The following PSMA3 variants were observed in gnomAD, a reference collection of about 807,000 sequenced individuals.
PSMA3 encodes proteasome subunit alpha type-3.
A neutral mutation model predicts 40.0 loss-of-function variants in PSMA3; 8 were observed. The observed-to-expected ratio is 0.20, with a 90% confidence interval of 0.12 to 0.36. The LOEUF (loss-of-function observed/expected upper bound fraction) is 0.36. Ranked by LOEUF, PSMA3 falls within the 10% of genes least tolerant of loss-of-function variation. The pLI is 1.00. For synonymous variants in PSMA3, 110 were observed against 100.0 expected (o/e 1.10, Z -0.59); for missense variants, 219 against 310.6 (o/e 0.70, Z 2.22).
chr14:58,262,913 G>A (rs1419316935), intron 6 of PSMA3, among the ~76,000 whole-genome samples: 3 of 150,202 alleles, frequency 2.0e-5, no homozygotes, highest in South Asian at 2.1e-4. Context: ...CATTTTTGTC[G>A]TTTTTACTAA....
chr14:58,248,491 G>A (rs1761491913), intron 2 of PSMA3, among the ~76,000 whole-genome samples: 1 of 151,614 alleles, frequency 6.6e-6, no homozygotes, highest in South Asian at 2.1e-4. Flanking sequence ...CGGACTCCCA[G>A]AGAGTAGCCC....
intron 1 of PSMA3, among the ~76,000 whole-genome samples, chr14:58,246,999 C>A (rs1286329036): frequency 6.6e-6 from 1 of 152,210 alleles, no homozygotes; most frequent in Non-Finnish European, 1.5e-5. Flanking sequence ...GTTTACTCTT[C>A]TTTCTGCTGC....
intron 7 of PSMA3, among the ~76,000 whole-genome samples, chr14:58,264,370 C>A (rs1000717297): frequency 6.6e-6 from 1 of 152,194 alleles, no homozygotes; most frequent in Non-Finnish European, 1.5e-5. Context: ...TACACTCTTA[C>A]GACTACCCAC....
At chr14:58,268,389 A>G (rs915192790) in intron 8 of PSMA3, among the ~76,000 whole-genome samples, 31 of 152,290 alleles carry the variant, frequency 2.0e-4, no homozygotes, top group African/African-American at 7.0e-4. Flanking sequence ...AAAAATTCCA[A>G]TGGGCTCTAT....
At chr14:58,249,942 C>G (rs2140079897) in intron 2 of PSMA3, among the ~76,000 whole-genome samples, 1 of 152,210 alleles carries the variant, frequency 6.6e-6, no homozygotes, top group East Asian at 1.9e-4. Flanking sequence ...AGGCTTCCTG[C>G]TGGGCGTGAG....
rs576169636 is a variant in PSMA3 at position 58,244,852 on chromosome 14, C to T, written c.-69C>T. 2 of 1,606,250 alleles carry T rather than the reference C, an allele frequency of 1.2e-6. No individual in the cohort carries two copies. Among genetic ancestry groups the T allele is most frequent in the Admixed American group, 3.3e-5 (2 of 59,962 alleles). On this transcript the variant is annotated 5_prime_UTR_variant, in exon 1 of 11. Coordinates refer to ENST00000216455, the MANE Select transcript of PSMA3 (RefSeq NM_002788.4). ...AATGAGCGGGCCTGTTACTAGTTTG[C>T]GGCATCCTGTGGTATAGGGGAAGCG...
At chr14:58,271,346 T>TC (rs1001926795) in intron 10 of PSMA3, among the ~76,000 whole-genome samples, 1 of 148,826 alleles carries the variant, frequency 6.7e-6, no homozygotes, top group African/African-American at 2.5e-5. Flanking sequence ...TTTTTTTTTT[T>TC]TGAGACGGAG....
intron 1 of PSMA3, chr14:58,245,178 C>G (rs1011523543): frequency 1.6e-5 from 9 of 555,012 alleles, no homozygotes; most frequent in Non-Finnish European, 2.6e-5. Flanking sequence ...TTGGCGTCGC[C>G]GCAGTGAGGT....
rs1890581410 is a variant in PSMA3 at position 58,270,422 on chromosome 14, T to C, written c.595T>C (p.Tyr199His). Residue 199 changes from tyrosine to histidine, a missense_variant, in exon 9 of 11, where the codon TAC becomes CAC. Physicochemically the swap from Tyr to His is moderately conservative, Grantham distance 83. Coordinates refer to ENST00000216455, the MANE Select transcript of PSMA3 (RefSeq NM_002788.4). ...CCTTTCCCTTTTCTATTCTAGAATT[T>C]ACATAGTACATGACGAAGTTAAGGA... ...DIVKEVAKII[Y>H]IVHDEVKDKA... 6.2e-7 allele frequency: 1 copy of C among 1,613,418 alleles called. No homozygotes were observed. The highest frequency in any genetic ancestry group is 1.3e-5 in the African/African-American group (1 of 74,920).
chr14:58,270,159 A>T (rs1165085626), intron 8 of PSMA3: 2 of 390,960 alleles, frequency 5.1e-6, no homozygotes, highest in African/African-American at 4.2e-5. Context: ...TTATATCTCT[A>T]AAGCAATGTG....
chr14:58,246,235 C>T (rs978960799), intron 1 of PSMA3, among the ~76,000 whole-genome samples: 9 of 152,128 alleles, frequency 5.9e-5, no homozygotes, highest in African/African-American at 2.2e-4. Flanking sequence ...ATAGTCATTT[C>T]GTACTGCATG....
At chr14:58,254,101 T>G (rs781761406) in intron 3 of PSMA3, among the ~76,000 whole-genome samples, 1 of 151,614 alleles carries the variant, frequency 6.6e-6, no homozygotes, top group Non-Finnish European at 1.5e-5. Flanking sequence ...TTCCTGTCTT[T>G]GTATCCATGA....
chr14:58,263,327 G>T (rs1890335971), intron 6 of PSMA3, among the ~76,000 whole-genome samples: 1 of 152,050 alleles, frequency 6.6e-6, no homozygotes. Context: ...TAATAAAATT[G>T]GGGGTTTAGA....
intron 10 of PSMA3, among the ~76,000 whole-genome samples, chr14:58,271,533 G>A (rs1039048206): frequency 6.6e-6 from 1 of 151,824 alleles, no homozygotes; most frequent in African/African-American, 2.4e-5. Flanking sequence ...TACAGAGACG[G>A]GTTTTCACCA....
At position 58,267,871 on chromosome 14, in the gene PSMA3, C is replaced by G. The variant is rs1890493592; in HGVS notation, c.590+351C>G. ...CCTCTATTGTAAGAATGCTTACAAA[C>G]TTTATAGGTTACAACTAATTATTTC... On this transcript the variant is annotated intron_variant, in intron 8 of 10. Coordinates refer to ENST00000216455, the MANE Select transcript of PSMA3 (RefSeq NM_002788.4). 2 of 162,080 alleles carry G rather than the reference C, an allele frequency of 1.2e-5. 1 individual carries two copies. Among genetic ancestry groups the G allele is most frequent in the Non-Finnish European group, 2.6e-5 (2 of 76,118 alleles). 10.0% of individuals were successfully genotyped at this position (162,080 alleles called of 1,614,324 possible).
intron 5 of PSMA3, among the ~76,000 whole-genome samples, chr14:58,258,829 G>C (rs1890206253): frequency 6.6e-6 from 1 of 152,158 alleles, no homozygotes; most frequent in Non-Finnish European, 1.5e-5. Flanking sequence ...ACTAACATCT[G>C]AGTGCTCAGC....
At chr14:58,264,503 C>T (rs769584958) in intron 7 of PSMA3, among the ~76,000 whole-genome samples, 1 of 152,168 alleles carries the variant, frequency 6.6e-6, no homozygotes, top group Non-Finnish European at 1.5e-5. Context: ...TTATTGATTA[C>T]CTGTCAGAAA....
At position 58,271,834 on chromosome 14, in the gene PSMA3, C is replaced by CTGTTT. The variant is rs1713577023; in HGVS notation, c.724-15_724-11dup. ...AATTTTAAAAATCAATTTTAAACACCTGTTTTCTCTTAACAGGAATCTCTG... is the reference window on the plus strand; with the variant it reads ...AATTTTAAAAATCAATTTTAAACACCTGTTTTGTTTTCTCTTAACAGGAATCTCTG... On this transcript the variant is annotated splice_polypyrimidine_tract_variant and intron_variant, in intron 10 of 10. Coordinates refer to ENST00000216455, the MANE Select transcript of PSMA3 (RefSeq NM_002788.4). 1.3e-6 allele frequency: 2 copies of CTGTTT among 1,586,402 alleles called. No individual in the cohort carries two copies. The highest frequency in any genetic ancestry group is 1.7e-6 in the Non-Finnish European group (2 of 1,156,404).
rs1229171643 is a variant in PSMA3 at position 58,260,963 on chromosome 14, T to C, written c.420T>C (p.Ser140=). 4 of 1,612,290 alleles carry C rather than the reference T, an allele frequency of 2.5e-6. No individual in the cohort carries two copies. The highest frequency in any genetic ancestry group is 3.4e-6 in the Non-Finnish European group (4 of 1,178,638). The part of the protein sequence containing the change: ...RPFGCSFMLG[S]YSVNDGAQLY... ...TTTCATGCAGTTTCATGTTAGGGTC[T>C]TACAGTGTGAATGACGGTGCGCAAC... Residue 140 remains serine, a synonymous_variant, in exon 6 of 11, where the codon TCT becomes TCC. Coordinates refer to ENST00000216455, the MANE Select transcript of PSMA3 (RefSeq NM_002788.4).
Sources: allele counts gnomAD v4.1 joint callset (sites outside exome capture counted in the v4.1 genomes callset), GRCh38; gene constraint gnomAD v4.1.1; transcripts MANE v1.5; gene names NCBI Gene and HGNC (gene_info 2026-07-23, HGNC 2026-07-21).